Variants in DMGDH observed in about 807,000 individuals in gnomAD.
DMGDH encodes dimethylglycine dehydrogenase, mitochondrial.
In DMGDH, 76 loss-of-function variants were observed where a neutral mutation model predicts 95.2. The observed-to-expected ratio is 0.80, with a 90% CI of 0.66 to 0.97. The LOEUF (loss-of-function observed/expected upper bound fraction) is 0.97, where lower values mean the gene tolerates loss of function less well. DMGDH is among the 50% of genes least tolerant of loss of function. DMGDH has a pLI of 0.00. For missense variants in DMGDH, 987 were observed against 1,055.0 expected, an observed-to-expected ratio of 0.94 and a Z score of 0.89; for synonymous variants, 345 against 377.6, an observed-to-expected ratio of 0.91 and a Z score of 1.00.
chr5:79,021,695 C>T, intron 14 of DMGDH: 2 of 1,298,558 alleles, frequency 1.5e-6, no homozygotes, highest in Non-Finnish European at 2.0e-6. Context: ...TCATAAAACA[C>T]AAAATTAGTT....
chr5:79,063,087 T>A (rs1372979540), intron 2 of DMGDH, among the ~76,000 whole-genome samples: 3 of 150,996 alleles, frequency 2.0e-5, no homozygotes, highest in African/African-American at 7.3e-5. Context: ...AGACTCCATT[T>A]CAAAAAAAAT....
chr5:79,048,789 A>C (rs1006881253), intron 5 of DMGDH, among the ~76,000 whole-genome samples: 1 of 144,844 alleles, frequency 6.9e-6, no homozygotes, highest in Admixed American at 6.9e-5. Context: ...ACACACACAC[A>C]CCCCTCCACA....
chr5:79,021,412 A>G (rs1753863883), intron 14 of DMGDH: 1 of 1,187,812 alleles, frequency 8.4e-7, no homozygotes, highest in African/African-American at 1.6e-5. Flanking sequence ...TGTCTACTAG[A>G]TGAACGGATG....
At chr5:79,011,025 C>T (rs895759751) in intron 14 of DMGDH, among the ~76,000 whole-genome samples, 1 of 152,182 alleles carries the variant, frequency 6.6e-6, no homozygotes, top group Non-Finnish European at 1.5e-5. Context: ...ATGGCCATCA[C>T]TCACCTACAG....
chr5:79,056,507 C>T (rs1755034369), intron 2 of DMGDH, among the ~76,000 whole-genome samples: 1 of 151,892 alleles, frequency 6.6e-6, no homozygotes, highest in Non-Finnish European at 1.5e-5. Flanking sequence ...CACGCCTCTG[C>T]ACTCCAGCCT....
At chr5:78,998,774 C>T (rs374027222) in intron 15 of DMGDH, among the ~76,000 whole-genome samples, 6 of 152,102 alleles carry the variant, frequency 3.9e-5, no homozygotes, top group African/African-American at 1.4e-4. Context: ...TGCTTGAACC[C>T]GGGAGGTGGA....
chr5:79,002,564 G>A (rs1753471941), intron 15 of DMGDH, among the ~76,000 whole-genome samples: 1 of 152,040 alleles, frequency 6.6e-6, no homozygotes, highest in South Asian at 2.1e-4. Context: ...AGAGATTCTT[G>A]TGTTTTGTTC....
intron 15 of DMGDH, among the ~76,000 whole-genome samples, chr5:79,002,496 T>C (rs1439883969): frequency 1.3e-5 from 2 of 152,358 alleles, no homozygotes; most frequent in African/African-American, 4.8e-5. Context: ...CAATATACTT[T>C]ATTTATTTTG....
Position 79,033,408 on chromosome 5 carries a change from T to A in DMGDH, c.1194A>T (p.Gly398=), listed in dbSNP as rs1323438205. The A allele has an allele frequency of 6.2e-7, 1 of 1,614,008 alleles. No homozygotes were observed. Among genetic ancestry groups the A allele is most frequent in the Admixed American group, 1.7e-5 (1 of 60,008 alleles). The change falls in exon 8 of 16, where the codon GGA becomes GGT. Residue 398 remains glycine, a splice_region_variant and synonymous_variant. Coordinates refer to ENST00000255189, the MANE Select transcript of DMGDH (RefSeq NM_013391.3). ...CCCCACCAGCGTGGATTATGCCATA[T>A]CTTTCAAATACAGGGATAGAAAACC... ...VRNYWVAIGF[G]YGIIHAGGVG...
At chr5:79,021,276 C>T in intron 14 of DMGDH, 1 of 1,066,322 alleles carries the variant, frequency 9.4e-7, no homozygotes, top group Non-Finnish European at 1.1e-6. Flanking sequence ...GAACGTATCC[C>T]TACAGCTTTA....
rs1315182853 is a variant in DMGDH at position 79,069,636 on chromosome 5, G to C, written c.-16C>G. ...GACGGAGCATGACTAGGCCGAGGCCGAGGGCGCAGGCGCCTGCTCCGAGGC... is the reference window on the plus strand; with the variant it reads ...GACGGAGCATGACTAGGCCGAGGCCCAGGGCGCAGGCGCCTGCTCCGAGGC... On this transcript the variant is annotated 5_prime_UTR_variant, in exon 1 of 16. Coordinates refer to ENST00000255189, the MANE Select transcript of DMGDH (RefSeq NM_013391.3). 5.3e-5 allele frequency: 72 copies of C among 1,353,324 alleles called. No homozygotes were observed. The highest frequency in any genetic ancestry group is 9.4e-5 in the Admixed American group (3 of 31,930). The allele number at this position is 1,353,324 out of a possible 1,614,324, so 83.8% of individuals were successfully genotyped here. A position where few individuals can be genotyped will look rare whatever the true frequency, so the allele number is the denominator to read the frequency against.
At chr5:79,051,945 C>T (rs1379357667) in intron 4 of DMGDH, among the ~76,000 whole-genome samples, 2 of 152,140 alleles carry the variant, frequency 1.3e-5, no homozygotes, top group African/African-American at 2.4e-5. Flanking sequence ...AGATGGGATA[C>T]GTTGATAGAA....
intron 7 of DMGDH, among the ~76,000 whole-genome samples, chr5:79,037,496 G>T (rs1222860990): frequency 6.6e-6 from 1 of 152,000 alleles, no homozygotes; most frequent in East Asian, 1.9e-4. Flanking sequence ...TAACGGGAAG[G>T]CTTTTTTGGT....
chr5:79,068,255 CTT>C (rs1755438758), intron 1 of DMGDH, among the ~76,000 whole-genome samples: 1 of 151,608 alleles, frequency 6.6e-6, no homozygotes, highest in Non-Finnish European at 1.5e-5. Flanking sequence ...AAATTTGTAT[CTT>C]ATTTATCTAA....
At chr5:79,058,639 T>C (rs1273471765) in intron 2 of DMGDH, among the ~76,000 whole-genome samples, 5 of 152,136 alleles carry the variant, frequency 3.3e-5, no homozygotes, top group Admixed American at 1.3e-4. Context: ...AAAAAGTGAT[T>C]GTAGCTGGTA....
intron 14 of DMGDH, among the ~76,000 whole-genome samples, chr5:79,016,080 CAA>C (rs1283084372): frequency 6.6e-6 from 1 of 151,300 alleles, no homozygotes; most frequent in Non-Finnish European, 1.5e-5. Flanking sequence ...TAAAAAAATA[CAA>C]AAAAAATTAG....
At chr5:79,027,352 C>T (rs1233802159) in intron 12 of DMGDH, among the ~76,000 whole-genome samples, 1 of 152,000 alleles carries the variant, frequency 6.6e-6, no homozygotes, top group Non-Finnish European at 1.5e-5. Context: ...TAGAATTTGC[C>T]AACGTTGGGT....
chr5:79,054,115 ACTT>A, intron 4 of DMGDH, 66 bp downstream of exon 4: 2 of 1,562,918 alleles, frequency 1.3e-6, no homozygotes, highest in South Asian at 1.1e-5. Flanking sequence ...TTTTTAGTTA[ACTT>A]CTTAATAACT....
Position 79,033,201 on chromosome 5 carries a change from G to A in DMGDH, c.1363+38C>T, listed in dbSNP as rs200871759. On this transcript the variant is annotated intron_variant, in intron 8 of 15. Transcript: ENST00000255189. ...GTCAGAGATGCTACAATTCAATTCC[G>A]TCAACACTTTGTAGACAACAGTACA... 1.1e-4 allele frequency: 180 copies of A among 1,612,152 alleles called. 1 individual carries two copies. The East Asian group carries it at 2.7e-3, about 24-fold the overall frequency.
Sources: gnomAD v4.1 joint callset for allele counts (sites outside exome capture counted in the v4.1 genomes callset) on GRCh38, gnomAD v4.1.1 for gene constraint, MANE v1.5 for transcripts, NCBI Gene and HGNC (gene_info 2026-07-23, HGNC 2026-07-21) for gene names.